Variants in AKAP12 observed in about 807,000 individuals in gnomAD.
The protein encoded by AKAP12 is A-kinase anchoring protein 12.
A neutral mutation model predicts 79.9 loss-of-function variants in AKAP12; 32 were observed. The ratio of observed to expected loss-of-function variants is 0.40; its 90% CI spans 0.30 to 0.54. AKAP12 has a LOEUF of 0.54. Ranked by LOEUF, AKAP12 falls within the 20% of genes least tolerant of loss-of-function variation. AKAP12 has a pLI of 0.48. For synonymous variants in AKAP12, 808 were observed against 857.0 expected, an observed-to-expected ratio of 0.94 and a Z score of 1.00; for missense variants, 2,074 against 2,177.0, an observed-to-expected ratio of 0.95 and a Z score of 0.94.
rs751095666 is a variant in AKAP12, at chr6:151,352,472, G to A, written c.4081G>A (p.Glu1361Lys). The A allele has an allele frequency of 2.5e-6, 4 of 1,614,070 alleles. No homozygotes were observed. The highest frequency in any genetic ancestry group is 2.5e-6 in the Non-Finnish European group (3 of 1,180,036). Residue 1361 changes from glutamate (E) to lysine (K), a missense_variant, in exon 4 of 5, where the codon GAA (glutamate) becomes AAA (lysine). By Grantham distance (56) the Glu-to-Lys change is moderately conservative. Around this residue, in one of 3 missense-constraint regions of AKAP12, gnomAD observed 614 missense variants for 665.6 expected, o/e 0.92. Coordinates refer to ENST00000402676, the MANE Select transcript of AKAP12 (RefSeq NM_005100.4). Reference protein sequence around the residue: ...THVNEEKLEHETAVTVSEEVS... With the variant: ...THVNEEKLEHKTAVTVSEEVS... ...TGTGAATGAAGAGAAGCTTGAGCAC[G>A]AAACAGCTGTTACCGTATCTGAAGA...
chr6:151,314,051 CAG>C (rs1777182026), intron 3 of AKAP12, among the ~76,000 whole-genome samples: 1 of 143,624 alleles, frequency 7.0e-6, no homozygotes, highest in Non-Finnish European at 1.5e-5. Context: ...TTTTCGGAGA[CAG>C]AGTCTCCGAA....
chr6:151,271,879 C>G (rs937973667), intron 2 of AKAP12, among the ~76,000 whole-genome samples: 1 of 148,374 alleles, frequency 6.7e-6, no homozygotes, highest in Non-Finnish European at 1.5e-5. Context: ...AGGTTGGTCT[C>G]GAACTCCTGA....
chr6:151,306,064 C>A (rs1179722736), intron 3 of AKAP12, among the ~76,000 whole-genome samples, 161 bp downstream of exon 3: 2 of 152,108 alleles, frequency 1.3e-5, no homozygotes, highest in Admixed American at 1.3e-4. Flanking sequence ...ATTTGGATAC[C>A]CCCTATACTT....
chr6:151,286,373 C>T (rs1349391404), intron 2 of AKAP12, among the ~76,000 whole-genome samples: 2 of 152,190 alleles, frequency 1.3e-5, no homozygotes, highest in African/African-American at 4.8e-5. Context: ...TACACACATA[C>T]GTTCTACTTT....
chr6:151,277,597 G>A (rs1271114903), intron 2 of AKAP12, among the ~76,000 whole-genome samples: 1 of 152,154 alleles, frequency 6.6e-6, no homozygotes, highest in African/African-American at 2.4e-5. Context: ...TTAACTATTA[G>A]GGCTTACAAA....
chr6:151,254,107 G>A (rs1378189847), intron 2 of AKAP12, among the ~76,000 whole-genome samples: 1 of 152,052 alleles, frequency 6.6e-6, no homozygotes, highest in Non-Finnish European at 1.5e-5. Flanking sequence ...GTTCTGCTCT[G>A]TTTTACATGA....
Position 151,351,586 on chromosome 6 carries a change from G to A in AKAP12, c.3195G>A (p.Val1065=), listed in dbSNP as rs1778292311. Residue 1065 remains valine, a synonymous_variant, in exon 4 of 5, where the codon GTG becomes GTA. Coordinates refer to ENST00000402676, the MANE Select transcript of AKAP12 (RefSeq NM_005100.4). This position sits in a 1 kb window ranked among gnomAD's most constrained non-coding sequence, Gnocchi z 4.4. Reference sequence around the variant, plus strand: ...CTGGCACCGGTGGGCCAGAAGATGTGCTTCAGCCTGTGCAGAGAGCAGAGG... The same window carrying A: ...CTGGCACCGGTGGGCCAGAAGATGTACTTCAGCCTGTGCAGAGAGCAGAGG... The part of the protein sequence containing the change: ...QLPGTGGPED[V]LQPVQRAEAE... 1 of 1,614,016 alleles carries A rather than the reference G, an allele frequency of 6.2e-7. No homozygotes were observed. Among genetic ancestry groups the A allele is most frequent in the Admixed American group, 1.7e-5 (1 of 60,006 alleles).
At chr6:151,268,094 C>T (rs916314799) in intron 2 of AKAP12, among the ~76,000 whole-genome samples, 2 of 152,116 alleles carry the variant, frequency 1.3e-5, no homozygotes, top group African/African-American at 2.4e-5. Flanking sequence ...GGAACCCTCA[C>T]GGGACCCACA....
At chr6:151,316,189 A>G (rs141777339) in intron 3 of AKAP12, among the ~76,000 whole-genome samples, 195 of 152,324 alleles carry the variant, frequency 1.3e-3, no homozygotes, top group Non-Finnish European at 2.3e-3. Context: ...ATTGTTTTCA[A>G]ATTGCTCTTT....
intron 2 of AKAP12, among the ~76,000 whole-genome samples, chr6:151,261,489 G>A (rs1797432826): frequency 6.6e-6 from 1 of 151,958 alleles, no homozygotes; most frequent in East Asian, 2.0e-4. Flanking sequence ...TCGGGAGTTC[G>A]AGACCACGCA....
intron 3 of AKAP12, among the ~76,000 whole-genome samples, chr6:151,315,660 G>C (rs775339212): frequency 2.0e-5 from 3 of 152,168 alleles, no homozygotes; most frequent in Non-Finnish European, 4.4e-5. Context: ...TTAAGGCAAT[G>C]ATATAGTCTA....
intron 3 of AKAP12, among the ~76,000 whole-genome samples, chr6:151,347,909 C>T (rs868737982): frequency 7.9e-5 from 12 of 151,838 alleles, no homozygotes; most frequent in African/African-American, 1.9e-4. Context: ...TGTTGGCTCA[C>T]GCCTGTAATC....
intron 2 of AKAP12, among the ~76,000 whole-genome samples, chr6:151,244,261 A>G (rs1229274550): frequency 1.3e-5 from 2 of 152,210 alleles, no homozygotes; most frequent in African/African-American, 4.8e-5. Flanking sequence ...GCGGTGGCTC[A>G]CGCCTGTAAT....
chr6:151,304,503 A>AAAAAAAAAAAAAAAAAAAAAAAAC (rs1776933490), intron 2 of AKAP12, among the ~76,000 whole-genome samples: 1 of 129,894 alleles, frequency 7.7e-6, no homozygotes, highest in Non-Finnish European at 1.5e-5. Flanking sequence ...AAAAAAAAAA[A>AAAAAAAAAAAAAAAAAAAAAAAAC]AAAAAAAAAA....
chr6:151,334,551 T>C (rs1777761950), intron 3 of AKAP12, among the ~76,000 whole-genome samples: 1 of 150,492 alleles, frequency 6.6e-6, no homozygotes, highest in East Asian at 2.0e-4. Flanking sequence ...GCTGACATCA[T>C]GCCACTGTAC....
At position 151,351,925 on chromosome 6, in the gene AKAP12, C is replaced by T. The variant is rs770598192; in HGVS notation, c.3534C>T (p.Ala1178=). 32 of 1,613,906 alleles carry T rather than the reference C, an allele frequency of 2.0e-5. No individual in the cohort carries two copies. Among genetic ancestry groups the T allele is most frequent in the Admixed American group, 3.3e-5 (2 of 59,978 alleles). Residue 1178 remains alanine (A), a synonymous_variant, in exon 4 of 5, where the codon GCC becomes GCT. Coordinates refer to ENST00000402676, the MANE Select transcript of AKAP12 (RefSeq NM_005100.4). The surrounding 1 kb of genome is among the most constrained non-coding windows in gnomAD (Gnocchi z 4.4). ...AGACTGATGGAAGCACCCCCGTAGC[C>T]GACTTTGACGCACCAGGCACAACCC... ...DSETDGSTPV[A]DFDAPGTTQK... is the part of the protein sequence containing the mutation.
chr6:151,351,517 C>T lies in AKAP12; in HGVS notation c.3126C>T (p.Val1042=). The change falls in exon 4 of 5, where the codon GTC becomes GTT. Residue 1042 remains valine (V), a synonymous_variant. Transcript: ENST00000402676. The surrounding 1 kb of genome is among the most constrained non-coding windows in gnomAD (Gnocchi z 4.4). ...IEEQERRTQE[V]LQAVAEKVKE... Reference sequence around the variant, plus strand: ...AGCAAGAGAGGCGGACTCAAGAGGTCCTCCAGGCAGTGGCAGAAAAAGTGA... The same window carrying T: ...AGCAAGAGAGGCGGACTCAAGAGGTTCTCCAGGCAGTGGCAGAAAAAGTGA... The T allele has an allele frequency of 1.2e-6, 2 of 1,614,098 alleles. No homozygotes were observed. The highest frequency in any genetic ancestry group is 1.7e-6 in the Non-Finnish European group (2 of 1,180,024).
chr6:151,321,344 C>T (rs2114779101), intron 3 of AKAP12, among the ~76,000 whole-genome samples: 1 of 152,248 alleles, frequency 6.6e-6, no homozygotes, highest in South Asian at 2.1e-4. Context: ...CACTCCCTCT[C>T]CCGCCAAAAC....
intron 2 of AKAP12, among the ~76,000 whole-genome samples, chr6:151,242,207 G>T (rs1796991989): frequency 6.6e-6 from 1 of 152,182 alleles, no homozygotes. Flanking sequence ...AAAACTTGCA[G>T]TTGGGTGACA....
Sources: gnomAD v4.1 joint callset for allele counts (sites outside exome capture counted in the v4.1 genomes callset) on GRCh38, gnomAD v4.1.1 for gene constraint, gnomAD v4.1.1 regional missense constraint, Gnocchi (gnomAD v3.1) non-coding constraint, MANE v1.5 for transcripts, NCBI Gene and HGNC (gene_info 2026-07-23, HGNC 2026-07-21) for gene names.